UTRN: variants seen among roughly 807,000 people sequenced by gnomAD.
UTRN encodes the protein utrophin.
A neutral mutation model predicts 463.9 loss-of-function variants in UTRN; 283 were observed. The observed-to-expected ratio is 0.61, with a 90% CI of 0.55 to 0.67. The LOEUF (loss-of-function observed/expected upper bound fraction) is 0.67. Among genes scored for constraint, UTRN ranks in the 30% least tolerant of loss-of-function variants. UTRN has a pLI of 0.00. For missense variants in UTRN, 3,922 were observed against 4,084.3 expected (o/e 0.96, Z 1.08); for synonymous variants, 1,442 against 1,431.5 (o/e 1.01, Z -0.17).
chr6:144,411,099 C>T (rs1341949830), intron 3 of UTRN, among the ~76,000 whole-genome samples: 4 of 152,164 alleles, frequency 2.6e-5, no homozygotes, highest in Non-Finnish European at 5.9e-5. Flanking sequence ...AATGGGATTG[C>T]TGGATCAAAT....
At chr6:144,477,476 CAG>C (rs1054179436) in intron 25 of UTRN, among the ~76,000 whole-genome samples, 1 of 151,932 alleles carries the variant, frequency 6.6e-6, no homozygotes, top group African/African-American at 2.4e-5. Context: ...TCCATCCATT[CAG>C]AGACTTGCTA....
chr6:144,406,055 C>G (rs527331687), intron 3 of UTRN, among the ~76,000 whole-genome samples: 1 of 152,302 alleles, frequency 6.6e-6, no homozygotes, highest in East Asian at 1.9e-4. Flanking sequence ...AATTATTACT[C>G]CTTGGATAGA....
chr6:144,701,849 G>A (rs1425601748), intron 53 of UTRN, among the ~76,000 whole-genome samples: 3 of 151,988 alleles, frequency 2.0e-5, no homozygotes, highest in African/African-American at 7.3e-5. Flanking sequence ...TACCATTTGG[G>A]TGTATTTTTT....
At chr6:144,384,024 G>A (rs145184238) in intron 2 of UTRN, among the ~76,000 whole-genome samples, 131 of 152,212 alleles carry the variant, frequency 8.6e-4, no homozygotes, top group Non-Finnish European at 1.4e-3. Flanking sequence ...CATGAAAAAT[G>A]TTTATTGCAT....
intron 23 of UTRN, among the ~76,000 whole-genome samples, chr6:144,464,441 C>T (rs751770310): frequency 1.3e-5 from 2 of 151,468 alleles, no homozygotes; most frequent in Non-Finnish European, 2.9e-5. Context: ...AGATCTCATT[C>T]AAATAAACCA....
At chr6:144,293,266 T>C (rs1804405524) in intron 2 of UTRN, among the ~76,000 whole-genome samples, 1 of 152,094 alleles carries the variant, frequency 6.6e-6, no homozygotes. Flanking sequence ...TGTGAGGAGG[T>C]ATATTCCTAA....
At chr6:144,525,357 C>G (rs972317922) in intron 41 of UTRN, among the ~76,000 whole-genome samples, 1 of 151,916 alleles carries the variant, frequency 6.6e-6, no homozygotes, top group Non-Finnish European at 1.5e-5. Flanking sequence ...TGATTTTAAT[C>G]TTGCTGCTTG....
At chr6:144,486,273 A>T (rs1792438653) in intron 28 of UTRN, among the ~76,000 whole-genome samples, 1 of 152,230 alleles carries the variant, frequency 6.6e-6, no homozygotes, top group African/African-American at 2.4e-5. Context: ...TAGAGAAAAG[A>T]TGTCACTTCT....
At chr6:144,686,381 G>A (rs1471822766) in intron 52 of UTRN, among the ~76,000 whole-genome samples, 1 of 152,138 alleles carries the variant, frequency 6.6e-6, no homozygotes, top group Non-Finnish European at 1.5e-5. Context: ...TGAGTAGAAT[G>A]TTCTGTAAAA....
intron 2 of UTRN, among the ~76,000 whole-genome samples, chr6:144,351,928 C>G (rs1248074275): frequency 6.6e-6 from 1 of 152,172 alleles, no homozygotes; most frequent in Non-Finnish European, 1.5e-5. Context: ...TCCTATCACA[C>G]CGACACTGCT....
In UTRN at chr6:144,789,820, AT is replaced by A. The variant is rs1377268464; in HGVS notation, c.8920+546del. ...TACAGCTGTGACAAAATAAAACATG[AT>A]TTTTAAATTTTTATTATATTTGGAT... On this transcript the variant is annotated intron_variant, in intron 62 of 74. Coordinates refer to ENST00000367545, the MANE Select transcript of UTRN (RefSeq NM_007124.3). Among the ~76,000 whole-genome samples, 5 of 152,306 alleles carry A rather than the reference AT, an allele frequency of 3.3e-5. No homozygotes were observed. In the South Asian group the frequency reaches 1.0e-3, roughly 32 times the overall value.
intron 2 of UTRN, among the ~76,000 whole-genome samples, chr6:144,354,397 T>C (rs1319410399): frequency 2.0e-5 from 3 of 152,204 alleles, no homozygotes; most frequent in Admixed American, 2.0e-4. Context: ...GAAAGGACAA[T>C]GCAAGTTAAG....
chr6:144,405,516 G>A (rs552119668), intron 3 of UTRN, among the ~76,000 whole-genome samples: 32 of 152,000 alleles, frequency 2.1e-4, no homozygotes, highest in South Asian at 6.4e-4. Flanking sequence ...TGAAGGGAAC[G>A]AATTTTTTTT....
intron 58 of UTRN, among the ~76,000 whole-genome samples, chr6:144,766,416 A>C (rs1040875310): frequency 2.6e-5 from 4 of 152,170 alleles, no homozygotes; most frequent in Non-Finnish European, 1.5e-5. Context: ...TGTAACTTCT[A>C]TAAGTGTACA....
At chr6:144,448,860 G>C (rs56862634) in intron 17 of UTRN, 91 bp downstream of exon 17, 59,684 of 1,366,336 alleles carry the variant, frequency 0.044, 4,461 homozygotes, top group African/African-American at 0.33. Context: ...ATTAATCATA[G>C]GCAAATCTAG....
intron 51 of UTRN, among the ~76,000 whole-genome samples, chr6:144,653,467 TC>T (rs1779029730): frequency 1.3e-5 from 2 of 151,884 alleles, no homozygotes; most frequent in South Asian, 4.2e-4. Context: ...GCGCCTGTAG[TC>T]CCAGCTACTT....
intron 50 of UTRN, among the ~76,000 whole-genome samples, chr6:144,571,670 A>G (rs963974337): frequency 1.3e-5 from 2 of 152,202 alleles, no homozygotes; most frequent in African/African-American, 4.8e-5. Flanking sequence ...TTGTCCAAAC[A>G]TTATTACCAG....
intron 53 of UTRN, among the ~76,000 whole-genome samples, chr6:144,723,951 A>G (rs1305756304): frequency 1.4e-5 from 2 of 144,206 alleles, no homozygotes; most frequent in Admixed American, 7.2e-5. Flanking sequence ...CAGAGGTTGC[A>G]GTGAGCCAAG....
chr6:144,379,382 T>C (rs1780721614), intron 2 of UTRN, among the ~76,000 whole-genome samples: 1 of 152,182 alleles, frequency 6.6e-6, no homozygotes, highest in African/African-American at 2.4e-5. Context: ...ATCTGAAGCT[T>C]GACCGAGGCT....
Sources: gnomAD v4.1 joint callset for allele counts (sites outside exome capture counted in the v4.1 genomes callset) on GRCh38, gnomAD v4.1.1 for gene constraint, MANE v1.5 for transcripts, NCBI Gene and HGNC (gene_info 2026-07-23, HGNC 2026-07-21) for gene names.